Variants in WIPF1 observed in about 807,000 individuals in gnomAD.
WIPF1 encodes WAS/WASL-interacting protein family member 1.
A neutral mutation model predicts 35.4 loss-of-function variants in WIPF1; 13 were observed. That is an observed-to-expected ratio of 0.37 (90% CI 0.24 to 0.58). The LOEUF is 0.58. Among genes scored for constraint, WIPF1 ranks in the 20% least tolerant of loss-of-function variants. The pLI is 0.74. For synonymous variants in WIPF1, 267 were observed against 266.3 expected (o/e 1.00, Z -0.02); for missense variants, 591 against 667.0 (o/e 0.89, Z 1.25).
At chr2:174,603,578 A>G (rs1001056501) in intron 1 of WIPF1, among the ~76,000 whole-genome samples, 2 of 152,228 alleles carry the variant, frequency 1.3e-5, no homozygotes, top group Non-Finnish European at 2.9e-5. Flanking sequence ...AGCATTTAGA[A>G]TGGTGCAGTG....
In WIPF1 at chr2:174,562,564, G is replaced by A; in HGVS notation, c.1495C>T (p.Pro499Ser). ...NRRERGAPPL[P>S]PIPR is the part of the protein sequence containing the mutation. ...GGCAAAGATCACCTCGGGATGGGAG[G>A]GAGTGGTGGAGCACCCCTTTCTCTT... is the stretch of plus-strand genomic sequence containing the variant. Residue 499 changes from proline to serine, a missense_variant, in exon 8 of 8, where the codon CCT (proline) becomes TCT (serine). Transcript: ENST00000679041. 1.2e-6 allele frequency: 2 copies of A among 1,614,162 alleles called. No individual in the cohort carries two copies. The highest frequency in any genetic ancestry group is 1.1e-5 in the South Asian group (1 of 91,078).
In WIPF1 at chr2:174,568,070, G is replaced by A. The variant is rs770870596; in HGVS notation, c.1133C>T (p.Pro378Leu). The change falls in exon 6 of 8, where the codon CCC becomes CTC. Residue 378 changes from proline (P) to leucine (L), a missense_variant. Coordinates refer to ENST00000679041, the MANE Select transcript of WIPF1 (RefSeq NM_001375834.1). Reference sequence around the variant, plus strand: ...GCTTACTGGAGGAGGTGGTGGGAGGGGGCCTGGAGCAAAAAAAGACACTTA... The same window carrying A: ...GCTTACTGGAGGAGGTGGTGGGAGGAGGCCTGGAGCAAAAAAAGACACTTA... ...PVRDPPGRSG[P>L]LPPPPPVSRN... is the part of the protein sequence containing the mutation. 6.2e-7 allele frequency: 1 copy of A among 1,611,480 alleles called. No individual in the cohort carries two copies. The highest frequency in any genetic ancestry group is 1.7e-5 in the Admixed American group (1 of 59,912).
chr2:174,574,766 T>C, intron 4 of WIPF1: 1 of 661,110 alleles, frequency 1.5e-6, no homozygotes, highest in Non-Finnish European at 2.8e-6. Context: ...GTGAGATTTG[T>C]AATCATATTC....
At chr2:174,584,326 A>G (rs1267109651) in intron 2 of WIPF1, among the ~76,000 whole-genome samples, 1 of 152,192 alleles carries the variant, frequency 6.6e-6, no homozygotes, top group African/African-American at 2.4e-5. Flanking sequence ...CTGAGTAACA[A>G]TAAGCTAATT....
rs56075885 is a variant in WIPF1, at chr2:174,645,554, C to T, written c.-39+37220G>A. 7.7e-3 allele frequency among the ~76,000 whole-genome samples: 1,169 copies of T among 152,318 alleles called. 32 individuals are homozygous for T. Among genetic ancestry groups the T allele is most frequent in the East Asian group, 0.058 (301 of 5,188 alleles). On this transcript the variant is annotated intron_variant, in intron 1 of 8. Transcript: ENST00000272746. The stretch of plus-strand genomic sequence containing the variant: ...TGGAGTATTATGTCATGCAAAGCCT[C>T]TCCTCATTAACAATCCTGCAAAAGC...
intron 1 of WIPF1, among the ~76,000 whole-genome samples, chr2:174,586,577 G>A (rs1312643452): frequency 6.6e-6 from 1 of 152,050 alleles, no homozygotes; most frequent in Non-Finnish European, 1.5e-5. Context: ...GGAAGTGCCT[G>A]GTGAGTTACA....
At chr2:174,673,841 A>G (rs1175569280) in intron 1 of WIPF1, 2 of 147,344 alleles carry the variant, frequency 1.4e-5, no homozygotes, top group African/African-American at 5.0e-5. Flanking sequence ...AAAAAAAAAG[A>G]GTAACACTTT....
chr2:174,664,227 G>C (rs750475856), intron 1 of WIPF1, among the ~76,000 whole-genome samples: 6 of 152,166 alleles, frequency 3.9e-5, no homozygotes, highest in Non-Finnish European at 7.4e-5. Context: ...TGAAGCGCCA[G>C]GCCTTGGGGC....
rs564348488 is a variant in WIPF1, at chr2:174,575,303, C to T, written c.259G>A (p.Gly87Arg). ...CCCCCTCCAAAACTTCCACCGCCTC[C>T]GCCACCACCTCCTCCGCCAAATCCG... ...GGGFGGGGGG[G>R]GGGSFGGGGP... The change falls in exon 4 of 8, where the codon GGA becomes AGA. Residue 87 changes from glycine (G) to arginine (R), a missense_variant. By Grantham distance (125) the Gly-to-Arg change is moderately radical. Around this residue, in one of 3 missense-constraint regions of WIPF1, gnomAD observed 471 missense variants for 501.1 expected, o/e 0.94. Coordinates refer to ENST00000679041, the MANE Select transcript of WIPF1 (RefSeq NM_001375834.1). The T allele has an allele frequency of 1.7e-5, 27 of 1,613,686 alleles. No individual in the cohort carries two copies. Among genetic ancestry groups the T allele is most frequent in the African/African-American group, 2.7e-5 (2 of 74,858 alleles).
chr2:174,678,918 T>C (rs1182789605), intron 1 of WIPF1, among the ~76,000 whole-genome samples: 1 of 152,246 alleles, frequency 6.6e-6, no homozygotes, highest in Non-Finnish European at 1.5e-5. Flanking sequence ...TAAGGGGTTA[T>C]TGTTCTATGT....
chr2:174,616,915 G>A (rs1237391786), intron 1 of WIPF1, among the ~76,000 whole-genome samples: 2 of 152,032 alleles, frequency 1.3e-5, no homozygotes, highest in South Asian at 2.1e-4. Context: ...AGCCCAAAGA[G>A]CCCTCTGGTT....
At chr2:174,625,408 T>C (rs1311144253) in intron 1 of WIPF1, among the ~76,000 whole-genome samples, 1 of 152,202 alleles carries the variant, frequency 6.6e-6, no homozygotes, top group Non-Finnish European at 1.5e-5. Context: ...TTCACTGAAA[T>C]GCCCGGGTTT....
At chr2:174,597,404 A>G (rs1043793678) in intron 1 of WIPF1, among the ~76,000 whole-genome samples, 197 bp downstream of exon 1, 20 of 152,248 alleles carry the variant, frequency 1.3e-4, no homozygotes, top group African/African-American at 4.6e-4. Flanking sequence ...ATTTTGGCTC[A>G]AAGCATAAGT....
Position 174,562,484 on chromosome 2 carries a change from A to G in WIPF1, c.*63T>C, listed in dbSNP as rs1684510910. 6 of 1,612,186 alleles carry G rather than the reference A, an allele frequency of 3.7e-6. No homozygotes were observed. The South Asian group carries it at 4.4e-5, about 12-fold the overall frequency. ...CAAGGGAAGAAGCAGGGAGGAGGGT[A>G]TGCAGTTCTTAGATAGCAACAGAAG... is the stretch of plus-strand genomic sequence containing the variant. On this transcript the variant is annotated 3_prime_UTR_variant, in exon 8 of 8. Transcript: ENST00000679041.
rs772015838 is a variant in WIPF1 at position 174,571,868 on chromosome 2, G to A, written c.937C>T (p.Pro313Ser). Reference sequence around the variant, plus strand: ...AGAGGAGGCGGCCCGGGCCTGCTGGGAGGTGGCGGCGGAGGTGGGGCCTGT... The same window carrying A: ...AGAGGAGGCGGCCCGGGCCTGCTGGAAGGTGGCGGCGGAGGTGGGGCCTGT... ...SSQAPPPPPPPSRPGPPPLPP... is the reference protein window; with the variant it reads ...SSQAPPPPPPSSRPGPPPLPP... Residue 313 changes from proline to serine, a missense_variant, in exon 5 of 8, where the codon CCC becomes TCC. This residue lies in a region of WIPF1 where 471 missense variants were observed against 501.1 expected (regional missense o/e 0.94). Transcript: ENST00000679041. The surrounding 1 kb of genome is among the most constrained non-coding windows in gnomAD (Gnocchi z 4.6). The A allele has an allele frequency of 6.2e-7, 1 of 1,613,874 alleles. No homozygotes were observed. The highest frequency in any genetic ancestry group is 1.1e-5 in the South Asian group (1 of 91,062).
intron 3 of WIPF1, among the ~76,000 whole-genome samples, chr2:174,576,230 C>CAA (rs66562213): frequency 0.02 from 2,004 of 98,796 alleles, 55 homozygotes; most frequent in South Asian, 0.046. Context: ...TGCACTCCAG[C>CAA]AAAAAAAAAA....
chr2:174,613,316 T>C (rs1174012347), intron 1 of WIPF1, among the ~76,000 whole-genome samples: 1 of 152,240 alleles, frequency 6.6e-6, no homozygotes, highest in Non-Finnish European at 1.5e-5. Context: ...ATTATGCAAA[T>C]ATTTTAGAAA....
chr2:174,665,346 A>G (rs1687868582), intron 1 of WIPF1: 1 of 152,258 alleles, frequency 6.6e-6, no homozygotes, highest in African/African-American at 2.4e-5. Flanking sequence ...CCTGAGCAGA[A>G]TTAAGACTTG....
At chr2:174,661,629 A>G (rs1326277279) in intron 1 of WIPF1, among the ~76,000 whole-genome samples, 2 of 151,708 alleles carry the variant, frequency 1.3e-5, no homozygotes, top group Non-Finnish European at 2.9e-5. Context: ...AGCCCTCATC[A>G]CTGTCTTAAT....
Sources: allele counts gnomAD v4.1 joint callset (sites outside exome capture counted in the v4.1 genomes callset), GRCh38; gene constraint gnomAD v4.1.1; regional missense constraint gnomAD v4.1.1; non-coding constraint Gnocchi (gnomAD v3.1); transcripts MANE v1.5; gene names NCBI Gene and HGNC (gene_info 2026-07-23, HGNC 2026-07-21).